Variants in EPHA7 observed in about 807,000 individuals in gnomAD.
The protein encoded by EPHA7 is EPH receptor A7.
A neutral mutation model predicts 112.6 loss-of-function variants in EPHA7; 25 were observed. The observed-to-expected ratio is 0.22, with a 90% CI of 0.16 to 0.31. The LOEUF (loss-of-function observed/expected upper bound fraction) is 0.31, where lower values mean the gene tolerates loss of function less well. EPHA7 is among the 10% of genes least tolerant of loss of function. The pLI, the probability that EPHA7 is intolerant of heterozygous loss-of-function variation, is 1.00. For synonymous variants in EPHA7, 437 were observed against 406.5 expected (o/e 1.07, Z -0.90); for missense variants, 962 against 1,212.6 (o/e 0.79, Z 3.07).
chr6:93,417,342 T>C (rs1779288648), intron 1 of EPHA7, among the ~76,000 whole-genome samples: 2 of 152,232 alleles, frequency 1.3e-5, no homozygotes, highest in South Asian at 4.1e-4. Flanking sequence ...CGCCAGCTCT[T>C]GGTCGCCGCT....
intron 14 of EPHA7, among the ~76,000 whole-genome samples, 173 bp from the exon 15 acceptor site, chr6:93,247,158 C>T (rs904893374): frequency 2.6e-5 from 4 of 152,144 alleles, no homozygotes; most frequent in South Asian, 2.1e-4. Flanking sequence ...TTAAGGAGTG[C>T]GTGAAGTGCA....
chr6:93,288,316 G>GTATCAGAACT (rs576937827), intron 5 of EPHA7, among the ~76,000 whole-genome samples: 144 of 152,288 alleles, frequency 9.5e-4, no homozygotes, highest in African/African-American at 3.4e-3. Context: ...GAAGCCAGAC[G>GTATCAGAACT]ACATTGTATG....
intron 5 of EPHA7, among the ~76,000 whole-genome samples, chr6:93,356,358 C>T (rs1023708003): frequency 6.6e-6 from 1 of 152,044 alleles, no homozygotes; most frequent in African/African-American, 2.4e-5. Context: ...CAGGTGTGCA[C>T]CACCATGCCC....
intron 5 of EPHA7, among the ~76,000 whole-genome samples, chr6:93,293,667 A>C (rs1314876771): frequency 6.6e-6 from 1 of 152,182 alleles, no homozygotes; most frequent in Non-Finnish European, 1.5e-5. Context: ...TGCTTCATGA[A>C]TGCATTTTGA....
rs566432064 is a variant in EPHA7 at position 93,354,689 on chromosome 6, T to A, written c.1324+2028A>T. The stretch of plus-strand genomic sequence containing the variant: ...TAGTTTGTTCTTAACCAGAAGGGAG[T>A]CAACATCCAAAGCCATTTTACATAA... On this transcript the variant is annotated intron_variant, in intron 5 of 16. Transcript: ENST00000369303. Among the ~76,000 whole-genome samples the A allele has an allele frequency of 1.7e-3, 246 of 145,854 alleles. 4 individuals are homozygous for A. The highest frequency in any genetic ancestry group is 1.5e-4 in the Non-Finnish European group (10 of 66,660).
intron 5 of EPHA7, among the ~76,000 whole-genome samples, chr6:93,298,984 A>G (rs1448504412): frequency 6.6e-6 from 1 of 152,164 alleles, no homozygotes; most frequent in Non-Finnish European, 1.5e-5. Flanking sequence ...TGGGCACAGG[A>G]AATGAACAGA....
intron 3 of EPHA7, among the ~76,000 whole-genome samples, chr6:93,406,682 C>T (rs1778737151): frequency 6.6e-6 from 1 of 151,840 alleles, no homozygotes; most frequent in Non-Finnish European, 1.5e-5. Context: ...TGTGACTGTT[C>T]AGTATAAACT....
chr6:93,348,946 T>C (rs1775550701), intron 5 of EPHA7, among the ~76,000 whole-genome samples: 1 of 151,742 alleles, frequency 6.6e-6, no homozygotes, highest in African/African-American at 2.4e-5. Flanking sequence ...GTGAAGAATA[T>C]TACAAATATA....
chr6:93,251,325 A>C (rs1442091479), intron 14 of EPHA7, among the ~76,000 whole-genome samples: 4 of 151,926 alleles, frequency 2.6e-5, no homozygotes. Flanking sequence ...CCAAGCCCTT[A>C]AATGACTTTT....
intron 14 of EPHA7, among the ~76,000 whole-genome samples, chr6:93,247,443 C>T (rs17446661): frequency 0.11 from 17,032 of 152,182 alleles, 1,169 homozygotes; most frequent in Non-Finnish European, 0.15. Flanking sequence ...TGTACTATGA[C>T]AGAAAATATT....
intron 5 of EPHA7, among the ~76,000 whole-genome samples, chr6:93,349,549 C>T (rs1235745572): frequency 6.6e-6 from 1 of 151,870 alleles, no homozygotes; most frequent in African/African-American, 2.4e-5. Context: ...ACTATCTCTA[C>T]AAAATGGTTC....
chr6:93,257,501 T>A lies in EPHA7; in HGVS notation c.2133A>T (p.Ile711=). ...CTAGGGCTCCATTTTCCATGAACTC[T>A]ATTACTATCATGACTGGTTTCCCTA... ...VTRGKPVMIV[I]EFMENGALDA... Residue 711 remains isoleucine, a synonymous_variant, in exon 12 of 17, where the codon ATA becomes ATT. Transcript: ENST00000369303. 6.2e-7 allele frequency: 1 copy of A among 1,611,572 alleles called. No individual in the cohort carries two copies. Among genetic ancestry groups the A allele is most frequent in the Non-Finnish European group, 8.5e-7 (1 of 1,178,776 alleles).
In EPHA7 at chr6:93,410,254, T is replaced by A; in HGVS notation, c.832+247A>T. On this transcript the variant is annotated intron_variant, in intron 3 of 16. Coordinates refer to ENST00000369303, the MANE Select transcript of EPHA7 (RefSeq NM_004440.4). This position sits in a 1 kb window ranked among gnomAD's most constrained non-coding sequence, Gnocchi z 4.0. ...CCCAACGTGCAACTATTGACTTCCA[T>A]GTTAAGCATAGGACACATTAAATTT... is the stretch of plus-strand genomic sequence containing the variant. 2.3e-6 allele frequency: 1 copy of A among 441,766 alleles called. No individual in the cohort carries two copies. The allele number at this position is 441,766 out of a possible 1,614,324, so 27.4% of individuals were successfully genotyped here.
At chr6:93,340,783 A>G (rs1379082892) in intron 5 of EPHA7, among the ~76,000 whole-genome samples, 6 of 151,972 alleles carry the variant, frequency 3.9e-5, no homozygotes, top group Non-Finnish European at 8.8e-5. Context: ...AATCCATATT[A>G]TATGTCTTCA....
chr6:93,247,013 T>C, intron 14 of EPHA7, 28 bp from the exon 15 acceptor site: 4 of 1,524,104 alleles, frequency 2.6e-6, no homozygotes, highest in Non-Finnish European at 3.6e-6. Flanking sequence ...ATTACAAATA[T>C]TACTGATTTA....
rs73755400 is a variant in EPHA7, at chr6:93,404,657, G to A, written c.832+5844C>T. On this transcript the variant is annotated intron_variant, in intron 3 of 16. Coordinates refer to ENST00000369303, the MANE Select transcript of EPHA7 (RefSeq NM_004440.4). ...TATATACACACATGTTTAGAGAGAGGGAGAGAGAGAGAGAGACATATACTT... is the reference window on the plus strand; with the variant it reads ...TATATACACACATGTTTAGAGAGAGAGAGAGAGAGAGAGAGACATATACTT... 6.2e-3 allele frequency among the ~76,000 whole-genome samples: 922 copies of A among 147,700 alleles called. 4 individuals carry two copies. The highest frequency in any genetic ancestry group is 0.022 in the African/African-American group (875 of 40,252).
chr6:93,370,264 A>T (rs2127959088), intron 3 of EPHA7, among the ~76,000 whole-genome samples: 1 of 152,274 alleles, frequency 6.6e-6, no homozygotes, highest in East Asian at 1.9e-4. Context: ...CAAGGCAAAA[A>T]TTTAAAGAAT....
chr6:93,358,487 A>G, intron 3 of EPHA7, 76 bp from the exon 4 acceptor site: 1 of 1,277,920 alleles, frequency 7.8e-7, no homozygotes, highest in Non-Finnish European at 1.1e-6. Flanking sequence ...ATTATTTAGC[A>G]AGGAATCAAA....
At chr6:93,349,940 T>G (rs963656265) in intron 5 of EPHA7, among the ~76,000 whole-genome samples, 1 of 151,890 alleles carries the variant, frequency 6.6e-6, no homozygotes, top group Non-Finnish European at 1.5e-5. Context: ...TTGTCTTTTT[T>G]GGGGATAATT....
Sources: gnomAD v4.1 joint callset for allele counts (sites outside exome capture counted in the v4.1 genomes callset) on GRCh38, gnomAD v4.1.1 for gene constraint, Gnocchi (gnomAD v3.1) non-coding constraint, MANE v1.5 for transcripts, NCBI Gene and HGNC (gene_info 2026-07-23, HGNC 2026-07-21) for gene names.